Variants in SLC20A2 observed in about 807,000 individuals in gnomAD.
SLC20A2 encodes the protein solute carrier family 20 member 2, also known as sodium-dependent phosphate transporter 2.
In SLC20A2, 30 loss-of-function variants were observed where a neutral mutation model predicts 61.0. The ratio of observed to expected loss-of-function variants is 0.49; its 90% CI spans 0.37 to 0.67. The LOEUF (loss-of-function observed/expected upper bound fraction) is 0.67. Ranked by LOEUF, SLC20A2 falls within the 30% of genes least tolerant of loss-of-function variation. SLC20A2 has a pLI of 0.00. For missense variants in SLC20A2, 626 were observed against 866.4 expected, an observed-to-expected ratio of 0.72 and a Z score of 3.48; for synonymous variants, 351 against 353.3, an observed-to-expected ratio of 0.99 and a Z score of 0.07.
intron 1 of SLC20A2, among the ~76,000 whole-genome samples, chr8:42,474,337 C>T (rs1807888191): frequency 6.6e-6 from 1 of 152,008 alleles, no homozygotes; most frequent in African/African-American, 2.4e-5. Context: ...ATAAACAAAT[C>T]TACAAACATA....
intron 5 of SLC20A2, among the ~76,000 whole-genome samples, chr8:42,457,632 G>A (rs1563480888): frequency 2.0e-5 from 3 of 151,968 alleles, no homozygotes; most frequent in Admixed American, 6.6e-5. Flanking sequence ...GACTACAGGC[G>A]CGCACCATCA....
intron 1 of SLC20A2, among the ~76,000 whole-genome samples, chr8:42,500,368 T>C (rs1810242502): frequency 6.6e-6 from 1 of 152,252 alleles, no homozygotes; most frequent in African/African-American, 2.4e-5. Flanking sequence ...TTGGTAATAA[T>C]GTGTTAGATG....
intron 10 of SLC20A2, among the ~76,000 whole-genome samples, chr8:42,424,422 T>C (rs1157331929): frequency 1.3e-5 from 2 of 152,134 alleles, no homozygotes; most frequent in South Asian, 4.1e-4. Flanking sequence ...TTCAAGCGAT[T>C]CTCCGGCCTC....
chr8:42,531,813 CTGCT>C (rs896085117), intron 1 of SLC20A2, among the ~76,000 whole-genome samples: 3 of 148,382 alleles, frequency 2.0e-5, no homozygotes, highest in African/African-American at 7.7e-5. Context: ...GATTAAGTCT[CTGCT>C]TTTTTTTTTT....
Position 42,447,271 on chromosome 8 carries a change from A to C in SLC20A2, c.614-2509T>G, listed in dbSNP as rs1324601602. ...TGAGGTGGGAAGATTTCTTGAGCCC[A>C]GGAATTTGAGGCTGCAGTGAGCTAT... On this transcript the variant is annotated intron_variant, in intron 5 of 10. Coordinates refer to ENST00000520262, the MANE Select transcript of SLC20A2 (RefSeq NM_001257180.2). Among the ~76,000 whole-genome samples the C allele has an allele frequency of 2.0e-5, 3 of 151,984 alleles. No homozygotes were observed. The East Asian group carries it at 5.8e-4, about 29-fold the overall frequency.
intron 8 of SLC20A2, among the ~76,000 whole-genome samples, chr8:42,435,169 A>G (rs1804155208): frequency 6.6e-6 from 1 of 152,144 alleles, no homozygotes; most frequent in Non-Finnish European, 1.5e-5. Flanking sequence ...GAAAATACCA[A>G]ATAAAATACC....
At chr8:42,487,906 G>C (rs528662656) in intron 1 of SLC20A2, among the ~76,000 whole-genome samples, 1 of 152,118 alleles carries the variant, frequency 6.6e-6, no homozygotes, top group South Asian at 2.1e-4. Flanking sequence ...TGCCATTCTC[G>C]CCTTTCTCCA....
Position 42,437,166 on chromosome 8 carries a change from T to G in SLC20A2, c.1346A>C (p.Glu449Ala). Residue 449 changes from glutamate to alanine, a missense_variant, in exon 8 of 11, where the codon GAG becomes GCG. Physicochemically the swap from Glu to Ala is moderately radical, Grantham distance 107. Around this residue, in one of 3 missense-constraint regions of SLC20A2, gnomAD observed 361 missense variants for 422.3 expected, o/e 0.85. Transcript: ENST00000520262. This position sits in a 1 kb window ranked among gnomAD's most constrained non-coding sequence, Gnocchi z 6.4. The stretch of plus-strand genomic sequence containing the variant: ...CGCCAGCTTCATCTCCACGCCGCCC[T>G]CCTCCGCCTCGATCTCCGCCTCTGC... ...AVAEAEIEAE[E>A]GGVEMKLASE... The G allele has an allele frequency of 6.2e-7, 1 of 1,613,580 alleles. No homozygotes were observed. Among genetic ancestry groups the G allele is most frequent in the Non-Finnish European group, 8.5e-7 (1 of 1,180,020 alleles).
At chr8:42,519,443 T>TAAA (rs11284092) in intron 1 of SLC20A2, among the ~76,000 whole-genome samples, 4 of 136,412 alleles carry the variant, frequency 2.9e-5, no homozygotes, top group Non-Finnish European at 3.1e-5. Context: ...GACTCCATCT[T>TAAA]AAAAAAAAAA....
rs962749503 is a variant in SLC20A2, at chr8:42,494,340, C to T, written c.-265+6691G>A. Among the ~76,000 whole-genome samples, 5 of 151,738 alleles carry T rather than the reference C, an allele frequency of 3.3e-5. No individual in the cohort carries two copies. The East Asian group carries it at 9.6e-4, about 29-fold the overall frequency. ...TGCCAAATTAAATAAAATATAAAGT[C>T]AAAATAAAAATTAATTAAAATAGTT... is the stretch of plus-strand genomic sequence containing the variant. On this transcript the variant is annotated intron_variant, in intron 1 of 10. Coordinates refer to ENST00000520262, the MANE Select transcript of SLC20A2 (RefSeq NM_001257180.2).
At chr8:42,434,584 T>A (rs1228152749) in intron 8 of SLC20A2, among the ~76,000 whole-genome samples, 2 of 152,112 alleles carry the variant, frequency 1.3e-5, no homozygotes, top group Non-Finnish European at 2.9e-5. Context: ...TCAGATCCCA[T>A]CTCTGAGAGA....
chr8:42,483,027 CAA>C (rs147872694), intron 1 of SLC20A2, among the ~76,000 whole-genome samples: 4,077 of 150,682 alleles, frequency 0.027, 176 homozygotes, highest in African/African-American at 0.089. Context: ...GCCTGGGCAA[CAA>C]GAGCAAAACT....
intron 2 of SLC20A2, among the ~76,000 whole-genome samples, chr8:42,466,468 C>G (rs1241458083): frequency 6.6e-6 from 1 of 152,114 alleles, no homozygotes; most frequent in African/African-American, 2.4e-5. Context: ...TGTGTATGAA[C>G]TTGTTCTGGG....
Position 42,437,689 on chromosome 8 carries a change from G to T in SLC20A2, c.935-112C>A. ...GGTGGAGTACAATGGCGCAATCTCG[G>T]CTCACTGCAACCTTCGCCTCCCGGG... On this transcript the variant is annotated intron_variant, in intron 7 of 10. Coordinates refer to ENST00000520262, the MANE Select transcript of SLC20A2 (RefSeq NM_001257180.2). This position sits in a 1 kb window ranked among gnomAD's most constrained non-coding sequence, Gnocchi z 6.4. 1.1e-6 allele frequency: 1 copy of T among 875,718 alleles called. No individual in the cohort carries two copies. Among genetic ancestry groups the T allele is most frequent in the Non-Finnish European group, 1.6e-6 (1 of 609,052 alleles). 54.2% of individuals were successfully genotyped at this position (875,718 alleles called of 1,614,324 possible).
chr8:42,513,687 A>G, intron 1 of SLC20A2, among the ~76,000 whole-genome samples: 1 of 152,176 alleles, frequency 6.6e-6, no homozygotes, highest in East Asian at 1.9e-4. Flanking sequence ...CCTGGTGACA[A>G]GTGCTTGAGA....
chr8:42,489,353 G>A (rs373075248), intron 1 of SLC20A2, among the ~76,000 whole-genome samples: 19 of 151,872 alleles, frequency 1.3e-4, no homozygotes, highest in Admixed American at 4.6e-4. Flanking sequence ...GTCTTTGAAC[G>A]TACGTGTAAT....
At chr8:42,464,090 A>ATGTTTTTTTTTTTTTTT in intron 3 of SLC20A2, among the ~76,000 whole-genome samples, 1 of 19,996 alleles carries the variant, frequency 5.0e-5, no homozygotes, top group Non-Finnish European at 1.3e-4. Context: ...AGGCTGGATG[A>ATGTTTTTTTTTTTTTTT]TCTTTTTTTT....
rs1208569722 is a variant in SLC20A2, at chr8:42,416,516, T to A, written c.*1287A>T. The A allele has an allele frequency of 1.3e-5, 2 of 152,744 alleles. No homozygotes were observed. Among genetic ancestry groups the A allele is most frequent in the East Asian group, 3.9e-4 (2 of 5,188 alleles). 9.5% of individuals were successfully genotyped at this position (152,744 alleles called of 1,614,324 possible). On this transcript the variant is annotated 3_prime_UTR_variant, in exon 11 of 11. Coordinates refer to ENST00000520262, the MANE Select transcript of SLC20A2 (RefSeq NM_001257180.2). ...TTATTATAAATTTAATATGGTTGATTAATGAAAAATGACAATGAAGTACCA... is the reference window on the plus strand; with the variant it reads ...TTATTATAAATTTAATATGGTTGATAAATGAAAAATGACAATGAAGTACCA...
chr8:42,442,800 T>C (rs978012613), intron 6 of SLC20A2, among the ~76,000 whole-genome samples: 4 of 152,256 alleles, frequency 2.6e-5, no homozygotes, highest in African/African-American at 9.6e-5. Flanking sequence ...TCTACTATAC[T>C]GTCTTCCAAT....
Sources: allele counts gnomAD v4.1 joint callset (sites outside exome capture counted in the v4.1 genomes callset), GRCh38; gene constraint gnomAD v4.1.1; regional missense constraint gnomAD v4.1.1; non-coding constraint Gnocchi (gnomAD v3.1); transcripts MANE v1.5; gene names NCBI Gene and HGNC (gene_info 2026-07-23, HGNC 2026-07-21).